The following ARSK variants were observed in gnomAD, a reference collection of about 807,000 sequenced individuals.
The protein encoded by ARSK is arylsulfatase K.
Under a neutral mutation model 53.2 loss-of-function variants are expected in ARSK, and 37 were observed. The observed-to-expected ratio is 0.70, with a 90% CI of 0.54 to 0.92. The LOEUF is 0.92. Ranked by LOEUF, ARSK falls within the 40% of genes least tolerant of loss-of-function variation. The pLI is 0.00. For synonymous variants in ARSK, 208 were observed against 223.2 expected, an observed-to-expected ratio of 0.93 and a Z score of 0.61; for missense variants, 613 against 643.0, an observed-to-expected ratio of 0.95 and a Z score of 0.51.
intron 7 of ARSK, 117 bp downstream of exon 7, chr5:95,601,188 T>A (rs1749397532): frequency 2.0e-6 from 2 of 1,001,210 alleles, no homozygotes; most frequent in Non-Finnish European, 2.9e-6. Context: ...CTGCTTCTCA[T>A]GCTAGGACGA....
chr5:95,589,411 T>C (rs1006604304), intron 5 of ARSK, among the ~76,000 whole-genome samples: 7 of 152,146 alleles, frequency 4.6e-5, no homozygotes, highest in African/African-American at 1.7e-4. Context: ...CCAGCATGCA[T>C]TAGCTATTTT....
At chr5:95,565,722 C>G (rs1748714108) in intron 1 of ARSK, among the ~76,000 whole-genome samples, 3 of 152,148 alleles carry the variant, frequency 2.0e-5, no homozygotes, top group Non-Finnish European at 4.4e-5. Context: ...GTTAAGTATT[C>G]AATAAATACT....
intron 5 of ARSK, 50 bp from the exon 6 acceptor site, chr5:95,591,351 T>C: frequency 6.8e-7 from 1 of 1,476,182 alleles, no homozygotes; most frequent in East Asian, 2.3e-5. Flanking sequence ...TGTGATAGAA[T>C]AAAACATGAA....
chr5:95,589,958 A>G (rs1262774674), intron 5 of ARSK, among the ~76,000 whole-genome samples: 1 of 152,220 alleles, frequency 6.6e-6, no homozygotes, highest in East Asian at 1.9e-4. Context: ...TTGACTTTGT[A>G]ATAATTACCA....
chr5:95,583,960 A>G (rs1227610314), intron 4 of ARSK, among the ~76,000 whole-genome samples: 1 of 152,108 alleles, frequency 6.6e-6, no homozygotes, highest in East Asian at 1.9e-4. Context: ...AGCCTTCCTC[A>G]TTTATGCTCG....
At chr5:95,556,889 A>G (rs1000962656) in intron 1 of ARSK, 2 of 152,162 alleles carry the variant, frequency 1.3e-5, no homozygotes, top group African/African-American at 2.4e-5. Flanking sequence ...GGGCGCCTGT[A>G]GTCCCAGCTA....
chr5:95,575,885 CT>C (rs535324821), intron 3 of ARSK, among the ~76,000 whole-genome samples: 70 of 152,284 alleles, frequency 4.6e-4, no homozygotes, highest in African/African-American at 1.6e-3. Flanking sequence ...TTATTTCTTT[CT>C]CTTATCTTAT....
In ARSK at chr5:95,582,744, T is replaced by C. The variant is rs192340227; in HGVS notation, c.417-172T>C. Among the ~76,000 whole-genome samples, 9 of 152,350 alleles carry C rather than the reference T, an allele frequency of 5.9e-5. No individual in the cohort carries two copies. In the East Asian group the frequency reaches 1.7e-3, roughly 29 times the overall value. On this transcript the variant is annotated intron_variant, in intron 3 of 7. Coordinates refer to ENST00000380009, the MANE Select transcript of ARSK (RefSeq NM_198150.3). ...TTCTTGGCTTTTTTTCTATTTTATT[T>C]TAATTTGTAATGCTCAATAACTTTC...
At chr5:95,568,531 A>G (rs1195043921) in intron 3 of ARSK, among the ~76,000 whole-genome samples, 3 of 152,142 alleles carry the variant, frequency 2.0e-5, no homozygotes, top group Non-Finnish European at 2.9e-5. Context: ...TTTGAATTAT[A>G]GTTTCTGTTT....
At chr5:95,556,347 C>G (rs867537378) in intron 1 of ARSK, 1 of 655,132 alleles carries the variant, frequency 1.5e-6, no homozygotes. Context: ...TTACAGAGTG[C>G]TCTTGTAATC....
intron 5 of ARSK, among the ~76,000 whole-genome samples, chr5:95,588,298 G>A (rs1466809238): frequency 1.3e-5 from 2 of 150,508 alleles, no homozygotes; most frequent in African/African-American, 2.5e-5. Context: ...GTGCAGTGGC[G>A]GGGTCTCTGC....
intron 7 of ARSK, among the ~76,000 whole-genome samples, 179 bp downstream of exon 7, chr5:95,601,250 G>C (rs755645564): frequency 7.2e-5 from 11 of 152,314 alleles, no homozygotes; most frequent in Non-Finnish European, 8.8e-5. Context: ...ATCAGCAGCT[G>C]AATTTCAGAG....
intron 1 of ARSK, among the ~76,000 whole-genome samples, chr5:95,561,653 A>G (rs938050172): frequency 2.0e-5 from 3 of 152,254 alleles, no homozygotes; most frequent in African/African-American, 7.2e-5. Context: ...AAAGGACCAC[A>G]TATTGTATGA....
At chr5:95,560,007 A>G (rs1748600033) in intron 1 of ARSK, among the ~76,000 whole-genome samples, 1 of 152,260 alleles carries the variant, frequency 6.6e-6, no homozygotes, top group Admixed American at 6.5e-5. Flanking sequence ...ATCAGTGTAC[A>G]AAAATAAATT....
At chr5:95,597,655 A>T (rs910436470) in intron 6 of ARSK, among the ~76,000 whole-genome samples, 3 of 152,196 alleles carry the variant, frequency 2.0e-5, no homozygotes, top group Admixed American at 6.5e-5. Context: ...GCACTTTGGG[A>T]GGCCAGGGTG....
intron 7 of ARSK, among the ~76,000 whole-genome samples, chr5:95,601,510 G>T (rs947329120): frequency 6.6e-6 from 1 of 152,132 alleles, no homozygotes; most frequent in South Asian, 2.1e-4. Flanking sequence ...GAGAAATTTG[G>T]ATACCTGTGT....
rs189677928 is a variant in ARSK at position 95,583,572 on chromosome 5, T to A, written c.699+374T>A. Among the ~76,000 whole-genome samples, 462 of 152,250 alleles carry A rather than the reference T, an allele frequency of 3.0e-3. 3 individuals are homozygous for A. The highest frequency in any genetic ancestry group is 3.8e-3 in the Non-Finnish European group (256 of 67,998). ...GAAAATGACCATTTTCTGGCACTTT[T>A]AAAAACATTTATCAAAATATTTTGA... is the stretch of plus-strand genomic sequence containing the variant. On this transcript the variant is annotated intron_variant, in intron 4 of 7. Transcript: ENST00000380009.
intron 5 of ARSK, among the ~76,000 whole-genome samples, chr5:95,590,895 C>T (rs966540314): frequency 3.9e-5 from 6 of 152,202 alleles, no homozygotes; most frequent in African/African-American, 1.4e-4. Flanking sequence ...CCATAATCCT[C>T]AGCCAACTTT....
chr5:95,591,691 G>C, intron 6 of ARSK, 66 bp downstream of exon 6: 1 of 1,506,342 alleles, frequency 6.6e-7, no homozygotes, highest in Non-Finnish European at 9.2e-7. Flanking sequence ...GAAGTTGTCA[G>C]TGAGTCAGTC....
Sources: gnomAD v4.1 joint callset for allele counts (sites outside exome capture counted in the v4.1 genomes callset) on GRCh38, gnomAD v4.1.1 for gene constraint, MANE v1.5 for transcripts, NCBI Gene and HGNC (gene_info 2026-07-23, HGNC 2026-07-21) for gene names.